The following TTC7B variants were observed in gnomAD, a reference collection of about 807,000 sequenced individuals.
The protein encoded by TTC7B is tetratricopeptide repeat protein 7B.
Under a neutral mutation model 106.8 loss-of-function variants are expected in TTC7B, and 28 were observed. That is an observed-to-expected ratio of 0.26 (90% CI 0.19 to 0.36). The LOEUF (loss-of-function observed/expected upper bound fraction) is 0.36. Among genes scored for constraint, TTC7B ranks in the 10% least tolerant of loss-of-function variants. TTC7B has a pLI of 1.00. For synonymous variants in TTC7B, 405 were observed against 430.6 expected (o/e 0.94, Z 0.74); for missense variants, 862 against 1,076.4 (o/e 0.80, Z 2.79).
chr14:90,539,369 GGCCTT>G lies in TTC7B; in HGVS notation c.*1994_*1998del, dbSNP rs1889501164. ...CTCCCTTCCTGGTCCTGATCCAGTG[GGCCTT>G]GCCCCACGCTCCCGCATGGGATGGC... On this transcript the variant is annotated 3_prime_UTR_variant, in exon 20 of 20. Transcript: ENST00000328459. 1 of 152,562 alleles carries G rather than the reference GGCCTT, an allele frequency of 6.6e-6. No individual in the cohort carries two copies. The allele number at this position is 152,562 out of a possible 1,614,324, so 9.5% of individuals were successfully genotyped here. A position where few individuals can be genotyped will look rare whatever the true frequency, so the allele number is the denominator to read the frequency against.
chr14:90,617,685 C>T (rs945142793), intron 16 of TTC7B, among the ~76,000 whole-genome samples: 7 of 152,144 alleles, frequency 4.6e-5, no homozygotes, highest in African/African-American at 1.7e-4. Context: ...TGAACTGAGT[C>T]CAGTGGGTCA....
intron 3 of TTC7B, among the ~76,000 whole-genome samples, chr14:90,745,759 C>A (rs1889945340): frequency 6.7e-6 from 1 of 149,808 alleles, no homozygotes; most frequent in Admixed American, 6.7e-5. Context: ...GGCTGGAGTG[C>A]AGCAGTGCGA....
intron 5 of TTC7B, among the ~76,000 whole-genome samples, chr14:90,706,888 C>T (rs1472431936): frequency 5.9e-5 from 9 of 152,206 alleles, no homozygotes; most frequent in African/African-American, 9.6e-5. Context: ...AACACATACA[C>T]ACATACATGT....
chr14:90,609,754 GGCTC>G (rs1387190240), intron 17 of TTC7B, among the ~76,000 whole-genome samples: 10 of 152,202 alleles, frequency 6.6e-5, no homozygotes, highest in Non-Finnish European at 4.4e-5. Flanking sequence ...TGATTTTTGA[GGCTC>G]AAAGAAGAGC....
intron 15 of TTC7B, among the ~76,000 whole-genome samples, chr14:90,635,785 T>C (rs1884912153): frequency 7.1e-6 from 1 of 140,428 alleles, no homozygotes; most frequent in African/African-American, 2.6e-5. Flanking sequence ...AAATTATCTA[T>C]ATATAATAAG....
At position 90,534,778 on chromosome 14, in the gene TTC7B, C is replaced by T. The variant is rs1889376028; in HGVS notation, c.*6590G>A. 1 of 152,452 alleles carries T rather than the reference C, an allele frequency of 6.6e-6. No homozygotes were observed. The highest frequency in any genetic ancestry group is 1.5e-5 in the Non-Finnish European group (1 of 68,320). The allele number at this position is 152,452 out of a possible 1,614,324, so 9.4% of individuals were successfully genotyped here. Reference sequence around the variant, plus strand: ...CCTGGAGCCGGCTGTGCTGCAGGGACCTGGGCTGGGGCTGGGGCAGCAGGT... The same window carrying T: ...CCTGGAGCCGGCTGTGCTGCAGGGATCTGGGCTGGGGCTGGGGCAGCAGGT... On this transcript the variant is annotated 3_prime_UTR_variant, in exon 20 of 20. Transcript: ENST00000328459.
intron 4 of TTC7B, among the ~76,000 whole-genome samples, chr14:90,738,434 C>A (rs1319579633): frequency 3.3e-5 from 5 of 152,180 alleles, no homozygotes; most frequent in African/African-American, 9.6e-5. Context: ...CATGATGAAA[C>A]CCTGTCTCTA....
At chr14:90,584,118 C>T (rs1891620507) in intron 18 of TTC7B, among the ~76,000 whole-genome samples, 1 of 152,196 alleles carries the variant, frequency 6.6e-6, no homozygotes. Flanking sequence ...TGGGTCAAGC[C>T]TGTTCCTTCC....
In TTC7B at chr14:90,535,187, G is replaced by C. The variant is rs1009824538; in HGVS notation, c.*6181C>G. ...AGGAGGCAGAGAGACAGACAGACGA[G>C]CCCATGGATCCCAAATGGGGCTGGG... On this transcript the variant is annotated 3_prime_UTR_variant, in exon 20 of 20. Transcript: ENST00000328459. The C allele has an allele frequency of 6.6e-6, 1 of 152,610 alleles. No homozygotes were observed. Among genetic ancestry groups the C allele is most frequent in the African/African-American group, 2.4e-5 (1 of 41,446 alleles). 9.5% of individuals were successfully genotyped at this position (152,610 alleles called of 1,614,324 possible). A position where few individuals can be genotyped will look rare whatever the true frequency, so the allele number is the denominator to read the frequency against.
intron 6 of TTC7B, among the ~76,000 whole-genome samples, chr14:90,692,864 G>A (rs1887529755): frequency 6.6e-6 from 1 of 151,948 alleles, no homozygotes; most frequent in African/African-American, 2.4e-5. Flanking sequence ...AAATCACATT[G>A]ATATTTAAGT....
At chr14:90,803,518 G>A (rs563435284) in intron 1 of TTC7B, among the ~76,000 whole-genome samples, 2 of 152,220 alleles carry the variant, frequency 1.3e-5, no homozygotes, top group South Asian at 4.1e-4. Flanking sequence ...GGTTCCTCCC[G>A]ACTCCCATAA....
In TTC7B at chr14:90,526,737, A is replaced by G. The variant is rs1889157910; in HGVS notation, c.*14631T>C. Reference sequence around the variant, plus strand: ...TAAGGGTTTTTCCCCCTCCTTTTGCACGGCACTTCTCCTTCCTGCTGCCAT... The same window carrying G: ...TAAGGGTTTTTCCCCCTCCTTTTGCGCGGCACTTCTCCTTCCTGCTGCCAT... On this transcript the variant is annotated 3_prime_UTR_variant, in exon 20 of 20. Transcript: ENST00000328459. 1 of 152,158 alleles carries G rather than the reference A, an allele frequency of 6.6e-6. No homozygotes were observed. Among genetic ancestry groups the G allele is most frequent in the African/African-American group, 2.4e-5 (1 of 41,396 alleles). 9.4% of individuals were successfully genotyped at this position (152,158 alleles called of 1,614,324 possible). A position where few individuals can be genotyped will look rare whatever the true frequency, so the allele number is the denominator to read the frequency against.
Position 90,532,688 on chromosome 14 carries a change from A to G in TTC7B, c.*8680T>C, listed in dbSNP as rs1320056945. ...CCCTCTGTTTGGGGTCTGTCTTCCC[A>G]GTCCCCAATAAGACCACCAGCTCCC... On this transcript the variant is annotated 3_prime_UTR_variant, in exon 20 of 20. Coordinates refer to ENST00000328459, the MANE Select transcript of TTC7B (RefSeq NM_001010854.2). 4 of 152,168 alleles carry G rather than the reference A, an allele frequency of 2.6e-5. No homozygotes were observed. The highest frequency in any genetic ancestry group is 5.9e-5 in the Non-Finnish European group (4 of 68,032). 9.4% of individuals were successfully genotyped at this position (152,168 alleles called of 1,614,324 possible).
intron 15 of TTC7B, among the ~76,000 whole-genome samples, chr14:90,641,934 C>CGTGTGCGTGTGT (rs1555384926): frequency 6.8e-6 from 1 of 146,998 alleles, no homozygotes; most frequent in African/African-American, 2.6e-5. Flanking sequence ...TGTGTGTGTG[C>CGTGTGCGTGTGT]GTGTGTGTGT....
intron 1 of TTC7B, among the ~76,000 whole-genome samples, chr14:90,791,243 G>A (rs1027774433): frequency 1.3e-5 from 2 of 152,008 alleles, no homozygotes; most frequent in Admixed American, 6.6e-5. Context: ...AAACCACCTC[G>A]AGCAGCCCCA....
rs1225079001 is a variant in TTC7B, at chr14:90,657,197, G to A, written c.1318C>T (p.Leu440Phe). The change falls in exon 11 of 20, where the codon CTC becomes TTC. Residue 440 changes from leucine (L) to phenylalanine (F), a missense_variant. Coordinates refer to ENST00000328459, the MANE Select transcript of TTC7B (RefSeq NM_001010854.2). The surrounding 1 kb of genome is among the most constrained non-coding windows in gnomAD (Gnocchi z 4.2). ...DATIPLLAAK[L>F]CMGSLHWLEE... Reference sequence around the variant, plus strand: ...ACCCAGTGCAGGGAGCCCATGCAGAGCTTGGCAGCGAGGAGAGGGATGGTG... The same window carrying A: ...ACCCAGTGCAGGGAGCCCATGCAGAACTTGGCAGCGAGGAGAGGGATGGTG... The A allele has an allele frequency of 6.2e-7, 1 of 1,614,134 alleles. No individual in the cohort carries two copies. Among genetic ancestry groups the A allele is most frequent in the East Asian group, 2.2e-5 (1 of 44,872 alleles).
At position 90,730,122 on chromosome 14, in the gene TTC7B, G is replaced by A; in HGVS notation, c.651C>T (p.Phe217=). ...PAPHDQELGF[F]LETGLQRAHV... ...GGGCTCTCTGAAGTCCTGTTTCTAG[G>A]AAAAAACCTAGTTCTTGATCGTGGG... Residue 217 remains phenylalanine (F), a synonymous_variant, in exon 5 of 20, where the codon TTC becomes TTT. Coordinates refer to ENST00000328459, the MANE Select transcript of TTC7B (RefSeq NM_001010854.2). The A allele has an allele frequency of 1.9e-6, 3 of 1,613,694 alleles. No individual in the cohort carries two copies. The highest frequency in any genetic ancestry group is 2.5e-6 in the Non-Finnish European group (3 of 1,179,878).
chr14:90,612,946 A>G (rs1234426667), intron 16 of TTC7B, among the ~76,000 whole-genome samples: 1 of 152,298 alleles, frequency 6.6e-6, no homozygotes, highest in Admixed American at 6.5e-5. Flanking sequence ...CCCCCTGACA[A>G]TGGCACAGGA....
In TTC7B at chr14:90,525,018, C is replaced by T. The variant is rs145313772; in HGVS notation, c.*16350G>A. 2.0e-5 allele frequency: 3 copies of T among 152,120 alleles called. No individual in the cohort carries two copies. The highest frequency in any genetic ancestry group is 4.1e-4 in the South Asian group (2 of 4,828). 9.4% of individuals were successfully genotyped at this position (152,120 alleles called of 1,614,324 possible). Reference sequence around the variant, plus strand: ...CATTTGTATCTATCCATGAAGCCATCGCCACTATTAAGAGAGGGATCATAT... The same window carrying T: ...CATTTGTATCTATCCATGAAGCCATTGCCACTATTAAGAGAGGGATCATAT... On this transcript the variant is annotated 3_prime_UTR_variant, in exon 20 of 20. Transcript: ENST00000328459.
Sources: allele counts gnomAD v4.1 joint callset (sites outside exome capture counted in the v4.1 genomes callset), GRCh38; gene constraint gnomAD v4.1.1; non-coding constraint Gnocchi (gnomAD v3.1); transcripts MANE v1.5; gene names NCBI Gene and HGNC (gene_info 2026-07-23, HGNC 2026-07-21).